CNOT6L: variants seen among roughly 807,000 people sequenced by gnomAD.
CNOT6L encodes the protein CCR4-NOT transcription complex subunit 6 like.
Under a neutral mutation model 64.0 loss-of-function variants are expected in CNOT6L, and 7 were observed. That is an observed-to-expected ratio of 0.11 (90% CI 0.06 to 0.21). The LOEUF is 0.21. Ranked by LOEUF, CNOT6L falls within the 10% of genes least tolerant of loss-of-function variation. CNOT6L has a pLI of 1.00. For synonymous variants in CNOT6L, 193 were observed against 243.4 expected, an observed-to-expected ratio of 0.79 and a Z score of 1.93; for missense variants, 245 against 669.0, an observed-to-expected ratio of 0.37 and a Z score of 6.99.
chr4:77,795,024 T>TC (rs1376904505), intron 1 of CNOT6L, among the ~76,000 whole-genome samples: 46 of 148,824 alleles, frequency 3.1e-4, no homozygotes, highest in Middle Eastern at 3.4e-3. Context: ...AATTTTTCTT[T>TC]TTTTTTTTTT....
chr4:77,786,169 T>C (rs1577983623), intron 1 of CNOT6L, among the ~76,000 whole-genome samples: 7 of 152,062 alleles, frequency 4.6e-5, no homozygotes. Context: ...TAATTCCAGC[T>C]ACTGGGGAAG....
intron 4 of CNOT6L, among the ~76,000 whole-genome samples, chr4:77,760,408 A>G (rs1482594349): frequency 6.6e-6 from 1 of 152,042 alleles, no homozygotes; most frequent in African/African-American, 2.4e-5. Flanking sequence ...GCTTTGAGTT[A>G]AAATGGAAAC....
chr4:77,750,919 G>C (rs774520227), intron 5 of CNOT6L, among the ~76,000 whole-genome samples: 52 of 152,214 alleles, frequency 3.4e-4, no homozygotes, highest in Middle Eastern at 6.8e-3. Context: ...AACCTAAACA[G>C]GGTAACTGTC....
intron 1 of CNOT6L, among the ~76,000 whole-genome samples, chr4:77,796,123 CTAAT>C (rs1192566462): frequency 5.3e-5 from 8 of 152,000 alleles, no homozygotes; most frequent in Non-Finnish European, 8.8e-5. Flanking sequence ...AGCATAATAT[CTAAT>C]AGGTAGTTGT....
At chr4:77,787,797 AATT>A (rs1729626153) in intron 1 of CNOT6L, among the ~76,000 whole-genome samples, 1 of 152,170 alleles carries the variant, frequency 6.6e-6, no homozygotes, top group African/African-American at 2.4e-5. Flanking sequence ...TATTTCACTT[AATT>A]AATTTCTCCC....
intron 9 of CNOT6L, among the ~76,000 whole-genome samples, chr4:77,730,126 A>G (rs568008430): frequency 1.3e-5 from 2 of 152,028 alleles, no homozygotes; most frequent in African/African-American, 4.8e-5. Flanking sequence ...GCTTTGGGGG[A>G]AAAGACCTAA....
chr4:77,769,080 A>C (rs1727231889), intron 4 of CNOT6L, among the ~76,000 whole-genome samples: 1 of 152,208 alleles, frequency 6.6e-6, no homozygotes, highest in Non-Finnish European at 1.5e-5. Flanking sequence ...AATACAATAC[A>C]GCAGTAAAAC....
intron 4 of CNOT6L, among the ~76,000 whole-genome samples, chr4:77,759,877 C>T (rs1263514312): frequency 6.6e-6 from 1 of 152,150 alleles, no homozygotes; most frequent in African/African-American, 2.4e-5. Flanking sequence ...TGAACATTCA[C>T]CAGTGAGACC....
At chr4:77,819,804 G>T (rs1472291766), upstream of CNOT6L, among the ~76,000 whole-genome samples, 3 of 151,292 alleles carry the variant, frequency 2.0e-5, no homozygotes, top group Non-Finnish European at 4.4e-5. Context: ...AACGGCAGAG[G>T]CGGCGGCGCG....
intron 8 of CNOT6L, among the ~76,000 whole-genome samples, chr4:77,738,480 G>A (rs922822735): frequency 2.0e-5 from 3 of 152,090 alleles, no homozygotes; most frequent in Admixed American, 1.3e-4. Flanking sequence ...ACGGCCAGGC[G>A]CGGTTGCTCA....
At chr4:77,796,536 G>A (rs953652278) in intron 1 of CNOT6L, among the ~76,000 whole-genome samples, 6 of 152,074 alleles carry the variant, frequency 3.9e-5, no homozygotes, top group Admixed American at 1.3e-4. Flanking sequence ...ATGATTCTAC[G>A]TTTCCTGAGG....
intron 1 of CNOT6L, among the ~76,000 whole-genome samples, chr4:77,816,870 T>A (rs948195610): frequency 6.6e-6 from 1 of 152,156 alleles, no homozygotes; most frequent in African/African-American, 2.4e-5. Flanking sequence ...TACCTCTCCA[T>A]GACATTATTT....
chr4:77,736,480 A>C (rs1169619213), intron 8 of CNOT6L, among the ~76,000 whole-genome samples: 1 of 152,196 alleles, frequency 6.6e-6, no homozygotes, highest in Non-Finnish European at 1.5e-5. Flanking sequence ...CTACCTTAAC[A>C]ATGCTACTTC....
intron 4 of CNOT6L, among the ~76,000 whole-genome samples, chr4:77,771,416 G>A (rs755172656): frequency 6.6e-6 from 1 of 152,094 alleles, no homozygotes; most frequent in Non-Finnish European, 1.5e-5. Context: ...GTGAGGAATA[G>A]ACTTGCACCT....
At chr4:77,730,309 CCA>C (rs1020239792) in intron 9 of CNOT6L, among the ~76,000 whole-genome samples, 25 of 152,082 alleles carry the variant, frequency 1.6e-4, no homozygotes, top group African/African-American at 4.8e-4. Context: ...TCTTCTTTTC[CCA>C]GTTTTACAGT....
intron 8 of CNOT6L, among the ~76,000 whole-genome samples, chr4:77,735,834 C>T (rs1722887021): frequency 6.6e-6 from 1 of 152,174 alleles, no homozygotes; most frequent in Non-Finnish European, 1.5e-5. Context: ...CACTTTCACC[C>T]AGCCTTTTCT....
intron 1 of CNOT6L, among the ~76,000 whole-genome samples, chr4:77,805,025 T>C (rs1328101597): frequency 4.6e-5 from 7 of 152,086 alleles, no homozygotes; most frequent in East Asian, 3.9e-4. Context: ...ATGGAAAATA[T>C]AGCACTTGTG....
chr4:77,722,440 G>C lies in CNOT6L; in HGVS notation c.1456-1797C>G, dbSNP rs549609098. Reference sequence around the variant, plus strand: ...TGGCTGGGTCTGGGGGCGTGCACCTGTAGTCCCAGCTCCTAGGGAGGTCAA... The same window carrying C: ...TGGCTGGGTCTGGGGGCGTGCACCTCTAGTCCCAGCTCCTAGGGAGGTCAA... On this transcript the variant is annotated intron_variant, in intron 11 of 11. Transcript: ENST00000504123. 9.1e-4 allele frequency among the ~76,000 whole-genome samples: 139 copies of C among 152,184 alleles called. 1 individual carries two copies. Among genetic ancestry groups the C allele is most frequent in the African/African-American group, 3.1e-3 (129 of 41,522 alleles).
At chr4:77,736,829 A>G (rs879654679) in intron 8 of CNOT6L, among the ~76,000 whole-genome samples, 1 of 152,202 alleles carries the variant, frequency 6.6e-6, no homozygotes, top group Non-Finnish European at 1.5e-5. Context: ...TGAAAAAAAA[A>G]CTAGACGAAA....
Sources: allele counts gnomAD v4.1 joint callset (sites outside exome capture counted in the v4.1 genomes callset), GRCh38; gene constraint gnomAD v4.1.1; transcripts MANE v1.5; gene names NCBI Gene and HGNC (gene_info 2026-07-23, HGNC 2026-07-21).